CSTPP1: variants seen among roughly 807,000 people sequenced by gnomAD.
CSTPP1 encodes the protein centriolar satellite-associated tubulin polyglutamylase complex regulator 1.
chr11:46,996,666 G>T, the CSTPP1 span, among the ~76,000 whole-genome samples: 1 of 152,118 alleles, frequency 6.6e-6, no homozygotes, highest in Non-Finnish European at 1.5e-5. Flanking sequence ...AGCATTGATG[G>T]TCTTTACAAT....
At chr11:46,956,349 T>C in the CSTPP1 span, among the ~76,000 whole-genome samples, 1 of 152,332 alleles carries the variant, frequency 6.6e-6, no homozygotes, top group East Asian at 1.9e-4. Flanking sequence ...CAAAGATGCT[T>C]TGGCTATTTT....
At chr11:47,055,533 G>A in the CSTPP1 span, among the ~76,000 whole-genome samples, 993 of 152,168 alleles carry the variant, frequency 6.5e-3, 8 homozygotes, top group African/African-American at 0.021. Context: ...ACTTTTATAT[G>A]TAGTTACTAA....
the CSTPP1 span, among the ~76,000 whole-genome samples, chr11:47,062,070 G>A: frequency 2.6e-5 from 4 of 152,000 alleles, no homozygotes; most frequent in South Asian, 8.3e-4. Flanking sequence ...CCTTAAAGAA[G>A]CCTTCTCTGT....
the CSTPP1 span, among the ~76,000 whole-genome samples, chr11:47,108,415 C>G: frequency 1.1e-4 from 17 of 152,332 alleles, no homozygotes; most frequent in African/African-American, 4.1e-4. Context: ...GGCGCTTCGC[C>G]TGATTTCTTC....
the CSTPP1 span, among the ~76,000 whole-genome samples, chr11:46,937,141 A>G: frequency 2.0e-5 from 3 of 152,196 alleles, no homozygotes; most frequent in Non-Finnish European, 2.9e-5. Flanking sequence ...GGTATTATTG[A>G]TATGCTGGTA....
chr11:47,043,006 A>C, the CSTPP1 span, among the ~76,000 whole-genome samples: 1 of 152,192 alleles, frequency 6.6e-6, no homozygotes, highest in Non-Finnish European at 1.5e-5. Context: ...GTATAAAATT[A>C]ATATAAATTC....
chr11:47,014,574 A>G, the CSTPP1 span, among the ~76,000 whole-genome samples: 1 of 151,858 alleles, frequency 6.6e-6, no homozygotes, highest in Non-Finnish European at 1.5e-5. Context: ...GTGGTGGTGC[A>G]TGACTATAAT....
chr11:46,952,029 G>A, the CSTPP1 span, among the ~76,000 whole-genome samples: 6 of 152,182 alleles, frequency 3.9e-5, no homozygotes, highest in Non-Finnish European at 7.3e-5. Context: ...CAGGGTATTA[G>A]GGTGAGGGCT....
the CSTPP1 span, chr11:47,154,920 G>A: frequency 2.1e-5 from 11 of 527,436 alleles, no homozygotes; most frequent in South Asian, 5.8e-5. Flanking sequence ...TGAACCGGGA[G>A]CCCGCTCTGG....
chr11:47,090,470 A>G, the CSTPP1 span, among the ~76,000 whole-genome samples: 8 of 152,208 alleles, frequency 5.3e-5, no homozygotes, highest in Non-Finnish European at 8.8e-5. Context: ...TAAGATGGAA[A>G]AAAAAACAGT....
the CSTPP1 span, among the ~76,000 whole-genome samples, chr11:46,982,392 T>C: frequency 6.6e-6 from 1 of 152,050 alleles, no homozygotes; most frequent in Non-Finnish European, 1.5e-5. Flanking sequence ...GCAATTCATA[T>C]GAAGATTTTT....
At chr11:47,122,091 A>AAAAATATATATAT in the CSTPP1 span, among the ~76,000 whole-genome samples, 21 of 31,822 alleles carry the variant, frequency 6.6e-4, no homozygotes, top group South Asian at 1.9e-3. Context: ...AAAAAAAAAA[A>AAAAATATATATAT]ATATATATAT....
At chr11:46,947,699 G>A in the CSTPP1 span, among the ~76,000 whole-genome samples, 2 of 152,126 alleles carry the variant, frequency 1.3e-5, no homozygotes, top group Non-Finnish European at 2.9e-5. Flanking sequence ...CTGTCCTATT[G>A]TGTAACTCAA....
chr11:46,976,906 A>C, the CSTPP1 span, among the ~76,000 whole-genome samples: 1 of 152,196 alleles, frequency 6.6e-6, no homozygotes, highest in South Asian at 2.1e-4. Context: ...GTTGGAAAAA[A>C]CCCTCACTTT....
chr11:46,969,166 G>A, the CSTPP1 span, among the ~76,000 whole-genome samples: 1 of 152,030 alleles, frequency 6.6e-6, no homozygotes, highest in African/African-American at 2.4e-5. Context: ...GTTCTACCTG[G>A]CTCACTTTGC....
the CSTPP1 span, among the ~76,000 whole-genome samples, chr11:46,952,250 G>T: frequency 6.6e-6 from 1 of 152,198 alleles, no homozygotes. Context: ...GGTTTCCAAA[G>T]CTGCCTCAAT....
At chr11:47,008,058 C>A in the CSTPP1 span, among the ~76,000 whole-genome samples, 6 of 152,066 alleles carry the variant, frequency 3.9e-5, no homozygotes, top group Non-Finnish European at 7.4e-5. Flanking sequence ...ACCTCTGCCT[C>A]CCGGGTTCAA....
At chr11:46,958,579 G>A in the CSTPP1 span, among the ~76,000 whole-genome samples, 1 of 152,060 alleles carries the variant, frequency 6.6e-6, no homozygotes. Flanking sequence ...CAATGTGCTG[G>A]GGTTACAAGT....
At chr11:47,037,389 ATTATTT>A in the CSTPP1 span, among the ~76,000 whole-genome samples, 2 of 80,176 alleles carry the variant, frequency 2.5e-5, no homozygotes, top group African/African-American at 4.8e-5. Flanking sequence ...TATTATTATT[ATTATTT>A]TTTTTTTTTA....
Sources: gnomAD v4.1 joint callset for allele counts (sites outside exome capture counted in the v4.1 genomes callset) on GRCh38, gnomAD v4.1.1 for gene constraint, MANE v1.5 for transcripts, NCBI Gene and HGNC (gene_info 2026-07-23, HGNC 2026-07-21) for gene names.